Variants in FAM184A observed in about 807,000 individuals in gnomAD.
FAM184A encodes protein FAM184A.
FAM184A carries 99 observed loss-of-function variants against 143.8 expected under a neutral mutation model. The observed-to-expected ratio is 0.69, with a 90% CI of 0.58 to 0.81. The LOEUF (loss-of-function observed/expected upper bound fraction) is 0.81, where lower values mean the gene tolerates loss of function less well. Among genes scored for constraint, FAM184A ranks in the 40% least tolerant of loss-of-function variants. FAM184A has a pLI of 0.00. For synonymous variants in FAM184A, 427 were observed against 446.4 expected (o/e 0.96, Z 0.55); for missense variants, 1,217 against 1,310.5 (o/e 0.93, Z 1.10).
At chr6:119,102,523 C>T (rs1012670056) in intron 1 of FAM184A, among the ~76,000 whole-genome samples, 1 of 152,008 alleles carries the variant, frequency 6.6e-6, no homozygotes, top group African/African-American at 2.4e-5. Flanking sequence ...CACAGTGGCT[C>T]ACACCTGTAA....
intron 16 of FAM184A, 108 bp downstream of exon 16, chr6:118,964,559 A>G (rs2114535650): frequency 1.9e-6 from 1 of 515,492 alleles, no homozygotes; most frequent in East Asian, 3.0e-5. Context: ...AAATAGAAGA[A>G]AACATTTTTT....
chr6:118,969,016 C>G (rs1298929090), intron 14 of FAM184A, among the ~76,000 whole-genome samples: 1 of 152,162 alleles, frequency 6.6e-6, no homozygotes, highest in Non-Finnish European at 1.5e-5. Context: ...TGGGAGAAAC[C>G]TGGTGGGAAG....
chr6:119,103,315 C>T (rs1788693587), intron 1 of FAM184A, among the ~76,000 whole-genome samples: 1 of 152,156 alleles, frequency 6.6e-6, no homozygotes, highest in Non-Finnish European at 1.5e-5. Flanking sequence ...CATCAACCCC[C>T]CCAAATCTAT....
rs1433953474 is a variant in FAM184A at position 119,078,317 on chromosome 6, G to A, written c.-18C>T. 2 of 1,433,196 alleles carry A rather than the reference G, an allele frequency of 1.4e-6. No homozygotes were observed. The highest frequency in any genetic ancestry group is 1.4e-5 in the South Asian group (1 of 70,044). 88.8% of individuals were successfully genotyped at this position (1,433,196 alleles called of 1,614,324 possible). A position where few individuals can be genotyped will look rare whatever the true frequency, so the allele number is the denominator to read the frequency against. On this transcript the variant is annotated 5_prime_UTR_variant, in exon 1 of 18. Coordinates refer to ENST00000338891, the MANE Select transcript of FAM184A (RefSeq NM_024581.6). The surrounding 1 kb of genome is among the most constrained non-coding windows in gnomAD (Gnocchi z 5.5). The stretch of plus-strand genomic sequence containing the variant: ...GTCGCCATCTTCCCAACAGACCCCA[G>A]CCGGGGCACCTGTCCCCGCGGGTGG...
chr6:118,997,859 A>C (rs573015223), intron 9 of FAM184A, among the ~76,000 whole-genome samples: 2 of 152,322 alleles, frequency 1.3e-5, no homozygotes, highest in African/African-American at 4.8e-5. Context: ...CCATATTTAA[A>C]AGAGCAAAAA....
chr6:119,060,878 A>G (rs1053277475), intron 1 of FAM184A, among the ~76,000 whole-genome samples: 4 of 152,192 alleles, frequency 2.6e-5, no homozygotes, highest in African/African-American at 9.7e-5. Context: ...CAGAAGCAGA[A>G]GCCGATGTGC....
At chr6:118,986,692 A>G (rs531286232) in intron 9 of FAM184A, among the ~76,000 whole-genome samples, 1 of 152,352 alleles carries the variant, frequency 6.6e-6, no homozygotes, top group South Asian at 2.1e-4. Flanking sequence ...TTAATGAATA[A>G]AAAGTACAAC....
intron 1 of FAM184A, among the ~76,000 whole-genome samples, chr6:119,091,511 A>C (rs1309223483): frequency 1.3e-5 from 2 of 152,194 alleles, no homozygotes; most frequent in African/African-American, 4.8e-5. Flanking sequence ...GGAACAGTGG[A>C]TCCCATAGTC....
intron 14 of FAM184A, among the ~76,000 whole-genome samples, chr6:118,968,834 A>G (rs1224011322): frequency 2.3e-5 from 1 of 43,068 alleles, no homozygotes; most frequent in African/African-American, 9.2e-5. Context: ...TTTTTTTTGC[A>G]TAATAAAGGT....
chr6:118,973,556 T>C (rs1389714762), intron 14 of FAM184A, among the ~76,000 whole-genome samples: 1 of 152,152 alleles, frequency 6.6e-6, no homozygotes, highest in African/African-American at 2.4e-5. Flanking sequence ...TAGTCACTAA[T>C]TGTGACTTTA....
At chr6:119,121,014 T>C (rs1409657687) in intron 1 of FAM184A, among the ~76,000 whole-genome samples, 1 of 151,492 alleles carries the variant, frequency 6.6e-6, no homozygotes, top group Non-Finnish European at 1.5e-5. Flanking sequence ...CTTGATATGA[T>C]GCCCAGACTG....
At chr6:119,049,259 C>T (rs1251123647) in intron 1 of FAM184A, among the ~76,000 whole-genome samples, 1 of 152,132 alleles carries the variant, frequency 6.6e-6, no homozygotes, top group Non-Finnish European at 1.5e-5. Flanking sequence ...ACCAGCCTGG[C>T]CAACATGGTA....
In FAM184A at chr6:119,140,805, T is replaced by C. The variant is rs534429055; in HGVS notation, c.-202+8273A>G. ...TTTCAGAATCCTGGTATGAGAACCC[T>C]GCTAGGATTTACACACAGCACTTTA... On this transcript the variant is annotated intron_variant, in intron 1 of 16. Transcript: ENST00000352896. Among the ~76,000 whole-genome samples, 4 of 152,344 alleles carry C rather than the reference T, an allele frequency of 2.6e-5. No individual in the cohort carries two copies. The South Asian group carries it at 6.2e-4, about 24-fold the overall frequency.
At chr6:119,022,049 CTTTCT>C (rs1197733033) in intron 3 of FAM184A, among the ~76,000 whole-genome samples, 11 of 118,990 alleles carry the variant, frequency 9.2e-5, no homozygotes, top group South Asian at 2.7e-4. Context: ...ATTTTTCGTT[CTTTCT>C]TTTTTTTTTT....
At chr6:119,100,057 G>A (rs1185505728) in intron 1 of FAM184A, among the ~76,000 whole-genome samples, 2 of 152,222 alleles carry the variant, frequency 1.3e-5, no homozygotes, top group East Asian at 3.9e-4. Context: ...GGTAGGTGGT[G>A]TCAGAATTAT....
rs537691226 is a variant in FAM184A at position 119,087,177 on chromosome 6, G to A, written c.-202+61901C>T. Reference sequence around the variant, plus strand: ...AAGGTTAAGAATTAAAATTAGGATTGAGATGTGAGCTCAACAGTTAATGGA... The same window carrying A: ...AAGGTTAAGAATTAAAATTAGGATTAAGATGTGAGCTCAACAGTTAATGGA... On this transcript the variant is annotated intron_variant, in intron 1 of 16. Coordinates refer to the FAM184A transcript ENST00000352896. 5.9e-5 allele frequency among the ~76,000 whole-genome samples: 9 copies of A among 152,244 alleles called. No homozygotes were observed. The South Asian group carries it at 1.7e-3, about 28-fold the overall frequency.
Position 119,067,508 on chromosome 6 carries a change from A to G in FAM184A, c.159+10633T>C, listed in dbSNP as rs1054287815. ...CATGTAACCCCAAAATCTAACACTC[A>G]AGGTGTGCTAAATAACCTTTGTTCA... On this transcript the variant is annotated intron_variant, in intron 1 of 17. Coordinates refer to ENST00000338891, the MANE Select transcript of FAM184A (RefSeq NM_024581.6). 2.2e-4 allele frequency among the ~76,000 whole-genome samples: 34 copies of G among 152,204 alleles called. 1 individual carries two copies. The highest frequency in any genetic ancestry group is 8.0e-4 in the African/African-American group (33 of 41,452).
upstream of FAM184A, among the ~76,000 whole-genome samples, chr6:119,082,061 T>C (rs575202627): frequency 7.2e-5 from 11 of 152,250 alleles, no homozygotes; most frequent in East Asian, 2.1e-3. Flanking sequence ...AATGCAACAT[T>C]TGGGCAGGAA....
At position 119,095,854 on chromosome 6, in the gene FAM184A, C is replaced by G. The variant is rs563762044; in HGVS notation, c.-202+53224G>C. On this transcript the variant is annotated intron_variant, in intron 1 of 16. Coordinates refer to the FAM184A transcript ENST00000352896. The stretch of plus-strand genomic sequence containing the variant: ...GATTAAAGGTGAGAGCCACCATGCC[C>G]AGACAGGTTTTTCTATTTTTTTGTG... Among the ~76,000 whole-genome samples the G allele has an allele frequency of 1.1e-4, 16 of 152,312 alleles. No homozygotes were observed. In the South Asian group the frequency reaches 3.1e-3, roughly 30 times the overall value.
Sources: gnomAD v4.1 joint callset for allele counts (sites outside exome capture counted in the v4.1 genomes callset) on GRCh38, gnomAD v4.1.1 for gene constraint, Gnocchi (gnomAD v3.1) non-coding constraint, MANE v1.5 for transcripts, NCBI Gene and HGNC (gene_info 2026-07-23, HGNC 2026-07-21) for gene names.